RHOBTB1: variants seen among roughly 807,000 people sequenced by gnomAD.
The protein encoded by RHOBTB1 is Rho related BTB domain containing 1.
A neutral mutation model predicts 71.6 loss-of-function variants in RHOBTB1; 40 were observed. The observed-to-expected ratio is 0.56, with a 90% CI of 0.43 to 0.73. RHOBTB1 has a LOEUF of 0.73. Ranked by LOEUF, RHOBTB1 falls within the 30% of genes least tolerant of loss-of-function variation. The pLI, the probability that RHOBTB1 is intolerant of heterozygous loss-of-function variation, is 0.00. For missense variants in RHOBTB1, 797 were observed against 894.0 expected, an observed-to-expected ratio of 0.89 and a Z score of 1.38; for synonymous variants, 319 against 334.9, an observed-to-expected ratio of 0.95 and a Z score of 0.52.
intron 2 of RHOBTB1, among the ~76,000 whole-genome samples, chr10:60,976,594 G>T (rs950887805): frequency 1.3e-5 from 2 of 151,926 alleles, no homozygotes; most frequent in African/African-American, 4.8e-5. Flanking sequence ...TAAAGATTCA[G>T]TTTTTAAAAC....
At chr10:60,998,549 G>T (rs749380418) in intron 1 of RHOBTB1, among the ~76,000 whole-genome samples, 3 of 152,152 alleles carry the variant, frequency 2.0e-5, no homozygotes, top group Non-Finnish European at 4.4e-5. Flanking sequence ...ACAGAAAGGT[G>T]TTCAGAAGAA....
intron 2 of RHOBTB1, among the ~76,000 whole-genome samples, chr10:60,911,980 T>C (rs941835394): frequency 6.6e-6 from 1 of 152,134 alleles, no homozygotes; most frequent in Non-Finnish European, 1.5e-5. Flanking sequence ...AATGCTAGCA[T>C]CTACTTCATC....
chr10:60,867,189 A>G (rs1349968062), downstream of RHOBTB1, among the ~76,000 whole-genome samples: 4 of 152,280 alleles, frequency 2.6e-5, no homozygotes, highest in African/African-American at 7.2e-5. Context: ...TGACAGTTGA[A>G]CTTAACCTTC....
At chr10:60,979,663 G>A (rs1044179285) in intron 2 of RHOBTB1, among the ~76,000 whole-genome samples, 3 of 152,168 alleles carry the variant, frequency 2.0e-5, no homozygotes, top group African/African-American at 7.2e-5. Context: ...TGCAGCTTAT[G>A]TTTTAGATGA....
chr10:60,863,642 C>T, the RHOBTB1 span, among the ~76,000 whole-genome samples: 7 of 152,066 alleles, frequency 4.6e-5, no homozygotes, highest in Non-Finnish European at 1.0e-4. Flanking sequence ...AAGTGATTCT[C>T]GTGCCTCAGC....
intron 2 of RHOBTB1, among the ~76,000 whole-genome samples, chr10:60,918,328 C>T (rs2083377240): frequency 6.6e-6 from 1 of 152,150 alleles, no homozygotes; most frequent in Admixed American, 6.5e-5. Context: ...TGGTGGTACC[C>T]CAACCCAACC....
intron 2 of RHOBTB1, among the ~76,000 whole-genome samples, chr10:60,952,838 G>A (rs999012056): frequency 3.3e-5 from 5 of 151,968 alleles, no homozygotes; most frequent in Non-Finnish European, 7.4e-5. Context: ...TCTCTATGAC[G>A]TGACAACTTC....
chr10:60,911,683 G>A, intron 2 of RHOBTB1, 131 bp from the exon 3 acceptor site: 2 of 730,156 alleles, frequency 2.7e-6, no homozygotes. Context: ...AGGAAAGAAT[G>A]TTTGGAAGTT....
chr10:60,871,843 G>A (rs1225052794), intron 10 of RHOBTB1, among the ~76,000 whole-genome samples, 192 bp from the exon 11 acceptor site: 1 of 152,080 alleles, frequency 6.6e-6, no homozygotes, highest in Non-Finnish European at 1.5e-5. Flanking sequence ...TCATGCAGCT[G>A]GGCACAGAGA....
At chr10:60,984,303 T>C (rs1475454687) in intron 2 of RHOBTB1, among the ~76,000 whole-genome samples, 3 of 152,184 alleles carry the variant, frequency 2.0e-5, no homozygotes, top group African/African-American at 4.8e-5. Context: ...CCATTACAAA[T>C]AGGAAAATTT....
At chr10:60,981,769 A>G (rs1476160279) in intron 2 of RHOBTB1, among the ~76,000 whole-genome samples, 1 of 152,056 alleles carries the variant, frequency 6.6e-6, no homozygotes, top group East Asian at 1.9e-4. Context: ...TTGGTATTAT[A>G]AGTTACTTTT....
At chr10:60,861,612 A>G in the RHOBTB1 span, among the ~76,000 whole-genome samples, 1 of 152,054 alleles carries the variant, frequency 6.6e-6, no homozygotes, top group African/African-American at 2.4e-5. Context: ...TGTGATTGCA[A>G]TCATTTCTCC....
At chr10:60,910,758 A>T in intron 4 of RHOBTB1, 129 bp downstream of exon 4, 1 of 607,058 alleles carries the variant, frequency 1.6e-6, no homozygotes, top group Non-Finnish European at 2.9e-6. Flanking sequence ...TCCTTTTCTT[A>T]GACACAGTGC....
intron 2 of RHOBTB1, among the ~76,000 whole-genome samples, chr10:60,956,788 A>C (rs1347643106): frequency 6.6e-6 from 1 of 151,830 alleles, no homozygotes; most frequent in Non-Finnish European, 1.5e-5. Context: ...GTTATTATCA[A>C]ACAGTAATTA....
At chr10:60,937,495 G>A (rs2084658826) in intron 2 of RHOBTB1, among the ~76,000 whole-genome samples, 1 of 152,160 alleles carries the variant, frequency 6.6e-6, no homozygotes, top group Non-Finnish European at 1.5e-5. Flanking sequence ...GCTGGAAATA[G>A]TGGCTTTGAG....
intron 2 of RHOBTB1, among the ~76,000 whole-genome samples, chr10:60,938,010 G>A (rs577489421): frequency 6.6e-6 from 1 of 152,292 alleles, no homozygotes; most frequent in African/African-American, 2.4e-5. Flanking sequence ...CACCGAAGTT[G>A]CATAGTTAAT....
intron 4 of RHOBTB1, among the ~76,000 whole-genome samples, chr10:60,899,684 C>G (rs536349118): frequency 7.2e-5 from 11 of 152,306 alleles, no homozygotes; most frequent in African/African-American, 2.6e-4. Flanking sequence ...TGAGAACCTA[C>G]TGTGTACCAG....
chr10:60,997,774 C>T (rs1179262744), intron 1 of RHOBTB1, among the ~76,000 whole-genome samples: 3 of 152,180 alleles, frequency 2.0e-5, no homozygotes, highest in African/African-American at 7.2e-5. Context: ...GTTATACATA[C>T]TAAGATGTTC....
intron 4 of RHOBTB1, among the ~76,000 whole-genome samples, chr10:60,895,544 A>G (rs960458891): frequency 6.6e-6 from 1 of 152,176 alleles, no homozygotes; most frequent in Admixed American, 6.5e-5. Context: ...AGCTGGGATT[A>G]CAGGCATGTG....
Sources: gnomAD v4.1 joint callset for allele counts (sites outside exome capture counted in the v4.1 genomes callset) on GRCh38, gnomAD v4.1.1 for gene constraint, MANE v1.5 for transcripts, NCBI Gene and HGNC (gene_info 2026-07-23, HGNC 2026-07-21) for gene names.